WDR17: variants seen among roughly 807,000 people sequenced by gnomAD.
WDR17 encodes WD repeat domain 17, also known as WD repeat-containing protein 17.
WDR17 carries 143 observed loss-of-function variants against 161.7 expected under a neutral mutation model. That is an observed-to-expected ratio of 0.88 (90% CI 0.77 to 1.02). The LOEUF (loss-of-function observed/expected upper bound fraction) is 1.02. WDR17 is among the 50% of genes least tolerant of loss of function. WDR17 has a pLI of 0.00. For missense variants in WDR17, 1,469 were observed against 1,520.9 expected (o/e 0.97, Z 0.57); for synonymous variants, 517 against 515.6 (o/e 1.00, Z -0.04).
chr4:176,171,683 T>A (rs935744152), intron 23 of WDR17, among the ~76,000 whole-genome samples: 1 of 152,202 alleles, frequency 6.6e-6, no homozygotes, highest in Admixed American at 6.5e-5. Flanking sequence ...CAGAATTTGA[T>A]ATAAAAGGTA....
chr4:176,100,616 T>C (rs1010752914), intron 1 of WDR17, among the ~76,000 whole-genome samples: 1 of 152,182 alleles, frequency 6.6e-6, no homozygotes, highest in Non-Finnish European at 1.5e-5. Flanking sequence ...ATTTTTGTTT[T>C]TGCTGCCTGT....
At chr4:176,113,585 T>G (rs1243470080) in intron 2 of WDR17, among the ~76,000 whole-genome samples, 1 of 151,988 alleles carries the variant, frequency 6.6e-6, no homozygotes, top group East Asian at 1.9e-4. Flanking sequence ...ATTACATAAT[T>G]AAATGGTGAC....
At position 176,137,523 on chromosome 4, in the gene WDR17, G is replaced by T; in HGVS notation, c.1271G>T (p.Gly424Val). ...VIYSLSWAPGGLNCIAGGTSR... is the reference protein window; with the variant it reads ...VIYSLSWAPGVLNCIAGGTSR... Reference sequence around the variant, plus strand: ...GTCTAACAAATTGTTTCCTAAGGTGGTTTAAATTGTATTGCTGGGGGAACT... The same window carrying T: ...GTCTAACAAATTGTTTCCTAAGGTGTTTTAAATTGTATTGCTGGGGGAACT... Residue 424 changes from glycine (G) to valine (V), a missense_variant, in exon 9 of 29, where the codon GGT (glycine) becomes GTT (valine). Physicochemically the swap from Gly to Val is moderately radical, Grantham distance 109. Coordinates refer to ENST00000508596, the MANE Select transcript of WDR17 (RefSeq NM_181265.4). The T allele has an allele frequency of 6.2e-7, 1 of 1,601,840 alleles. No individual in the cohort carries two copies. Among genetic ancestry groups the T allele is most frequent in the Non-Finnish European group, 8.5e-7 (1 of 1,172,206 alleles).
At position 176,148,242 on chromosome 4, in the gene WDR17, A is replaced by G. The variant is rs761094484; in HGVS notation, c.1804A>G (p.Ile602Val). The part of the protein sequence containing the change: ...MWNTEIPYLL[I>V]SGSWDYTIKV... Reference sequence around the variant, plus strand: ...GAATACTGAGATTCCATATCTGCTCATATCTGGCAGCTGGGACTATACTAT... The same window carrying G: ...GAATACTGAGATTCCATATCTGCTCGTATCTGGCAGCTGGGACTATACTAT... The change falls in exon 13 of 29, where the codon ATA (isoleucine) becomes GTA (valine). Residue 602 changes from isoleucine (I) to valine (V), a missense_variant. By Grantham distance (29) the Ile-to-Val change is conservative. Transcript: ENST00000508596. 2 of 1,614,052 alleles carry G rather than the reference A, an allele frequency of 1.2e-6. No individual in the cohort carries two copies. The highest frequency in any genetic ancestry group is 1.7e-5 in the Admixed American group (1 of 60,024).
chr4:176,125,021 G>A (rs1198975333), intron 4 of WDR17, 83 bp from the exon 5 acceptor site: 11 of 1,478,584 alleles, frequency 7.4e-6, no homozygotes. Flanking sequence ...GATAGATATT[G>A]TACAAGGAAA....
At chr4:176,121,270 G>GATCT (rs1741538583) in intron 4 of WDR17, among the ~76,000 whole-genome samples, 5 of 152,138 alleles carry the variant, frequency 3.3e-5, no homozygotes, top group African/African-American at 1.2e-4. Flanking sequence ...TTTTATAGTT[G>GATCT]GTCATTAAGG....
chr4:176,180,310 G>A lies in WDR17; in HGVS notation c.*731G>A, dbSNP rs1752032899. On this transcript the variant is annotated 3_prime_UTR_variant, in exon 29 of 29. Transcript: ENST00000508596. ...ATGAAAACTTGCATTAGGTGATAAA[G>A]TGACTATTTTAAGAGATTCAGCATG... The A allele has an allele frequency of 1.3e-5, 2 of 151,890 alleles. No individual in the cohort carries two copies. The allele number at this position is 151,890 out of a possible 1,614,324, so 9.4% of individuals were successfully genotyped here.
chr4:176,156,194 A>G, intron 18 of WDR17, 51 bp downstream of exon 18: 1 of 1,558,386 alleles, frequency 6.4e-7, no homozygotes, highest in Non-Finnish European at 8.8e-7. Context: ...ATCATGTTAG[A>G]ATAGAAGCAG....
At chr4:176,154,317 C>A (rs1008609332) in intron 17 of WDR17, among the ~76,000 whole-genome samples, 1 of 151,978 alleles carries the variant, frequency 6.6e-6, no homozygotes, top group Admixed American at 6.6e-5. Context: ...CCTGTCTCTA[C>A]CAAAAATACA....
intron 9 of WDR17, among the ~76,000 whole-genome samples, chr4:176,138,838 G>A (rs181093577): frequency 1.7e-3 from 254 of 151,874 alleles, no homozygotes; most frequent in African/African-American, 5.6e-3. Context: ...ATTCACTAGC[G>A]AAATTGCTTA....
intron 1 of WDR17, among the ~76,000 whole-genome samples, chr4:176,069,750 T>C (rs1732982767): frequency 6.6e-6 from 1 of 152,202 alleles, no homozygotes; most frequent in African/African-American, 2.4e-5. Flanking sequence ...GAAAACTTAC[T>C]TTCAAATCGG....
chr4:176,147,261 A>C (rs1746334571), intron 12 of WDR17, among the ~76,000 whole-genome samples: 1 of 152,208 alleles, frequency 6.6e-6, no homozygotes, highest in African/African-American at 2.4e-5. Flanking sequence ...ATACTTTTGA[A>C]GTACTACTAT....
chr4:176,172,329 C>G (rs767318010), intron 23 of WDR17, 46 bp from the exon 24 acceptor site: 1 of 1,559,176 alleles, frequency 6.4e-7, no homozygotes, highest in Non-Finnish European at 8.7e-7. Flanking sequence ...TTGCTTTTAT[C>G]CGTTTGAATT....
At chr4:176,082,854 T>C (rs898149050) in intron 1 of WDR17, among the ~76,000 whole-genome samples, 2 of 152,146 alleles carry the variant, frequency 1.3e-5, no homozygotes, top group African/African-American at 4.8e-5. Flanking sequence ...AAGATGAAGA[T>C]GAATTTTAGA....
intron 8 of WDR17, 177 bp downstream of exon 8, chr4:176,135,453 AG>A: frequency 1.5e-6 from 1 of 671,888 alleles, no homozygotes. Context: ...GTCTATCTGC[AG>A]AGGCACTTTG....
intron 1 of WDR17, among the ~76,000 whole-genome samples, chr4:176,090,838 A>T (rs1317555409): frequency 6.6e-6 from 1 of 152,250 alleles, no homozygotes; most frequent in Non-Finnish European, 1.5e-5. Context: ...TTATAGATTA[A>T]CTAAAAGTAT....
At chr4:176,143,812 T>C (rs1745707401) in intron 11 of WDR17, among the ~76,000 whole-genome samples, 1 of 152,102 alleles carries the variant, frequency 6.6e-6, no homozygotes, top group African/African-American at 2.4e-5. Context: ...ACACCCTTTA[T>C]CATCACCTCC....
chr4:176,135,214 T>A lies in WDR17; in HGVS notation c.1205T>A (p.Leu402Ter). 2 of 1,612,406 alleles carry A rather than the reference T, an allele frequency of 1.2e-6. No individual in the cohort carries two copies. Among genetic ancestry groups the A allele is most frequent in the Non-Finnish European group, 1.7e-6 (2 of 1,178,714 alleles). ...GTIKVWDINTLTAVYTSPGNE... is the reference protein window; with the variant it reads ...GTIKVWDINT ...ATAAAAGTCTGGGATATAAACACAT[T>A]AACAGCAGTGTACACATCCCCGGGT... The change falls in exon 8 of 29, where the codon TTA becomes TAA. Residue 402 changes from leucine (L) to a stop codon, truncating the protein, a stop_gained. Transcript: ENST00000508596. LOFTEE classifies it high-confidence loss of function.
intron 1 of WDR17, among the ~76,000 whole-genome samples, chr4:176,097,882 A>G (rs1490450666): frequency 6.6e-6 from 1 of 151,892 alleles, no homozygotes; most frequent in Non-Finnish European, 1.5e-5. Context: ...GCTCATGGAG[A>G]TTATGAGAAT....
Sources: gnomAD v4.1 joint callset for allele counts (sites outside exome capture counted in the v4.1 genomes callset) on GRCh38, gnomAD v4.1.1 for gene constraint, MANE v1.5 for transcripts, NCBI Gene and HGNC (gene_info 2026-07-23, HGNC 2026-07-21) for gene names.